POU6F2: variants seen among roughly 807,000 people sequenced by gnomAD.
POU6F2 encodes POU domain, class 6, transcription factor 2.
Under a neutral mutation model 71.3 loss-of-function variants are expected in POU6F2, and 31 were observed. The observed-to-expected ratio is 0.43, with a 90% CI of 0.33 to 0.59. The LOEUF (loss-of-function observed/expected upper bound fraction) is 0.59, where lower values mean the gene tolerates loss of function less well. Ranked by LOEUF, POU6F2 falls within the 20% of genes least tolerant of loss-of-function variation. POU6F2 has a pLI of 0.04. For synonymous variants in POU6F2, 347 were observed against 355.7 expected (o/e 0.98, Z 0.27); for missense variants, 783 against 856.8 (o/e 0.91, Z 1.07).
At chr7:39,306,754 T>C (rs1247622671) in intron 4 of POU6F2, among the ~76,000 whole-genome samples, 2 of 152,232 alleles carry the variant, frequency 1.3e-5, no homozygotes, top group East Asian at 1.9e-4. Flanking sequence ...ATAAAAGATA[T>C]GCTATTTGCA....
chr7:39,406,407 T>A (rs148810830), intron 5 of POU6F2, 193 bp from the exon 6 acceptor site: 54 of 596,074 alleles, frequency 9.1e-5, no homozygotes, highest in Non-Finnish European at 1.4e-4. Context: ...AACATTTTCC[T>A]TCCAGCCTCG....
intron 1 of POU6F2, among the ~76,000 whole-genome samples, chr7:39,015,706 T>G (rs1476155157): frequency 8.0e-4 from 6 of 7,500 alleles, no homozygotes; most frequent in South Asian, 6.7e-3. Context: ...ATTATATATA[T>G]CTATGTTATA....
chr7:39,328,576 G>A (rs1284649347), intron 4 of POU6F2, among the ~76,000 whole-genome samples: 1 of 152,182 alleles, frequency 6.6e-6, no homozygotes, highest in Non-Finnish European at 1.5e-5. Flanking sequence ...TCACAATGCT[G>A]ACTCAAACTG....
intron 1 of POU6F2, among the ~76,000 whole-genome samples, chr7:39,044,990 T>A (rs1031263093): frequency 6.6e-6 from 1 of 151,902 alleles, no homozygotes; most frequent in Admixed American, 6.6e-5. Context: ...CAAATCTTAT[T>A]TGATCAATTT....
In POU6F2 at chr7:39,464,036, G is replaced by A. The variant is rs1467993957; in HGVS notation, c.1659-146G>A. Reference sequence around the variant, plus strand: ...CATGGAGCACGCTGGGAGGGTGGGCGCTGGCTTGGGCAGGGCTGGCTACCT... The same window carrying A: ...CATGGAGCACGCTGGGAGGGTGGGCACTGGCTTGGGCAGGGCTGGCTACCT... On this transcript the variant is annotated intron_variant, in intron 9 of 9. Coordinates refer to ENST00000518318, the MANE Select transcript of POU6F2 (RefSeq NM_001370959.1). The surrounding 1 kb of genome is among the most constrained non-coding windows in gnomAD (Gnocchi z 4.1). The A allele has an allele frequency of 2.7e-5, 28 of 1,025,814 alleles. No individual in the cohort carries two copies. Among genetic ancestry groups the A allele is most frequent in the South Asian group, 9.3e-5 (6 of 64,444 alleles). 63.5% of individuals were successfully genotyped at this position (1,025,814 alleles called of 1,614,324 possible).
At chr7:39,005,332 T>C (rs1386012213) in intron 1 of POU6F2, 1 of 152,236 alleles carries the variant, frequency 6.6e-6, no homozygotes, top group African/African-American at 2.4e-5. Flanking sequence ...CACGGGAACA[T>C]TGTGGCATGT....
chr7:39,174,539 G>A (rs1310671796), intron 2 of POU6F2, among the ~76,000 whole-genome samples: 3 of 152,070 alleles, frequency 2.0e-5, no homozygotes, highest in Non-Finnish European at 2.9e-5. Flanking sequence ...CTGCAGTCAC[G>A]TGTGTCTTTT....
intron 2 of POU6F2, among the ~76,000 whole-genome samples, chr7:39,161,617 G>T (rs1262971191): frequency 6.6e-6 from 1 of 152,098 alleles, no homozygotes; most frequent in Non-Finnish European, 1.5e-5. Flanking sequence ...AACTGATAAG[G>T]CATCTTTCAA....
intron 2 of POU6F2, among the ~76,000 whole-genome samples, chr7:39,146,145 G>T (rs1011220416): frequency 6.6e-6 from 1 of 152,168 alleles, no homozygotes; most frequent in Non-Finnish European, 1.5e-5. Flanking sequence ...TGGAAATGAT[G>T]ATCTAATTTA....
chr7:38,984,590 T>G (rs191265819), intron 1 of POU6F2, among the ~76,000 whole-genome samples: 18 of 152,244 alleles, frequency 1.2e-4, no homozygotes, highest in Admixed American at 6.5e-4. Flanking sequence ...AAACTAGAAT[T>G]AAAAAACAAA....
chr7:39,341,042 A>G (rs1785907636), intron 5 of POU6F2, among the ~76,000 whole-genome samples: 1 of 152,178 alleles, frequency 6.6e-6, no homozygotes, highest in Non-Finnish European at 1.5e-5. Flanking sequence ...AGTGGTGGGT[A>G]TAAACCTCAG....
intron 7 of POU6F2, among the ~76,000 whole-genome samples, chr7:39,449,294 A>G (rs1234455904): frequency 6.6e-6 from 1 of 152,208 alleles, no homozygotes; most frequent in Non-Finnish European, 1.5e-5. Flanking sequence ...CCATGTGAGT[A>G]GGGGAGCCAT....
At chr7:39,260,966 CCCA>C (rs1051974810) in intron 4 of POU6F2, among the ~76,000 whole-genome samples, 18 of 151,554 alleles carry the variant, frequency 1.2e-4, no homozygotes, top group African/African-American at 4.4e-4. Flanking sequence ...GCACACCACA[CCCA>C]CCACCATTCA....
chr7:39,163,205 A>C (rs1302998442), intron 2 of POU6F2, among the ~76,000 whole-genome samples: 2 of 152,238 alleles, frequency 1.3e-5, no homozygotes, highest in Non-Finnish European at 2.9e-5. Context: ...ATTTCTAAAA[A>C]TCAAGAAATC....
At chr7:39,355,106 T>G (rs537698408) in intron 5 of POU6F2, among the ~76,000 whole-genome samples, 1 of 152,322 alleles carries the variant, frequency 6.6e-6, no homozygotes, top group South Asian at 2.1e-4. Flanking sequence ...CAGGCAGTCA[T>G]GGAAACAGGC....
At position 39,223,851 on chromosome 7, in the gene POU6F2, C is replaced by T. The variant is rs539497247; in HGVS notation, c.598+16231C>T. 2.6e-5 allele frequency among the ~76,000 whole-genome samples: 4 copies of T among 152,246 alleles called. No homozygotes were observed. The East Asian group carries it at 7.7e-4, about 29-fold the overall frequency. On this transcript the variant is annotated intron_variant, in intron 4 of 9. Coordinates refer to ENST00000518318, the MANE Select transcript of POU6F2 (RefSeq NM_001370959.1). ...TATTCTAACTCTTGTTTTACTCTAG[C>T]CTTAATTTTTGTAGTTAAAGCCTTC...
At chr7:39,182,716 T>C (rs1012559181) in intron 2 of POU6F2, among the ~76,000 whole-genome samples, 1 of 152,126 alleles carries the variant, frequency 6.6e-6, no homozygotes, top group African/African-American at 2.4e-5. Flanking sequence ...TTCCCCAGAA[T>C]TGCATCCTTA....
intron 8 of POU6F2, among the ~76,000 whole-genome samples, chr7:39,458,925 C>G (rs560131407): frequency 6.6e-6 from 1 of 152,122 alleles, no homozygotes; most frequent in Non-Finnish European, 1.5e-5. Flanking sequence ...TTGGGAAGAC[C>G]TAGATGAATC....
At chr7:39,386,372 G>T (rs1010671669) in intron 5 of POU6F2, among the ~76,000 whole-genome samples, 1 of 152,152 alleles carries the variant, frequency 6.6e-6, no homozygotes, top group Non-Finnish European at 1.5e-5. Context: ...TGACAGGGTG[G>T]CAGAGCCTCC....
Sources: gnomAD v4.1 joint callset for allele counts (sites outside exome capture counted in the v4.1 genomes callset) on GRCh38, gnomAD v4.1.1 for gene constraint, Gnocchi (gnomAD v3.1) non-coding constraint, MANE v1.5 for transcripts, NCBI Gene and HGNC (gene_info 2026-07-23, HGNC 2026-07-21) for gene names.